BBS12: variants seen among roughly 807,000 people sequenced by gnomAD.
The protein encoded by BBS12 is Bardet-Biedl syndrome 12.
Under a neutral mutation model 5.6 loss-of-function variants are expected in BBS12, and 5 were observed. The ratio of observed to expected loss-of-function variants is 0.89; its 90% CI spans 0.46 to 1.86. The LOEUF is 1.86. Among genes scored for constraint, BBS12 ranks in the 40% most tolerant of loss-of-function variants. The pLI is 0.01. For missense variants in BBS12, 748 were observed against 830.4 expected, an observed-to-expected ratio of 0.90 and a Z score of 1.22; for synonymous variants, 308 against 306.8, an observed-to-expected ratio of 1.00 and a Z score of -0.04.
intron 1 of BBS12, among the ~76,000 whole-genome samples, chr4:122,733,678 T>G (rs1374138152): frequency 6.6e-6 from 1 of 152,162 alleles, no homozygotes; most frequent in Non-Finnish European, 1.5e-5. Flanking sequence ...TGAGGTAGGA[T>G]GGACCACTGA....
At chr4:122,716,653 A>ATG in the BBS12 span, among the ~76,000 whole-genome samples, 1 of 99,280 alleles carries the variant, frequency 1.0e-5, no homozygotes, top group African/African-American at 4.2e-5. Flanking sequence ...ACGTGTGTGT[A>ATG]TATGCACATA....
the BBS12 span, among the ~76,000 whole-genome samples, chr4:122,716,724 TATAC>T: frequency 8.1e-6 from 1 of 123,580 alleles, no homozygotes; most frequent in African/African-American, 3.5e-5. Context: ...TATGTGTGTA[TATAC>T]ACACACACGT....
At chr4:122,723,191 G>C in the BBS12 span, among the ~76,000 whole-genome samples, 2 of 152,236 alleles carry the variant, frequency 1.3e-5, no homozygotes, top group Non-Finnish European at 2.9e-5. Flanking sequence ...GAACTATCCT[G>C]GTAGGTTCTA....
At chr4:122,741,473 C>T (rs574267005) in intron 1 of BBS12, among the ~76,000 whole-genome samples, 3 of 152,234 alleles carry the variant, frequency 2.0e-5, no homozygotes, top group Non-Finnish European at 2.9e-5. Flanking sequence ...GCATGAGCCA[C>T]TGCGCCCAGC....
chr4:122,725,845 C>A, the BBS12 span, among the ~76,000 whole-genome samples: 1 of 134,310 alleles, frequency 7.4e-6, no homozygotes, highest in East Asian at 2.4e-4. Flanking sequence ...TTGCAGTGAG[C>A]TGGGATCATG....
chr4:122,718,024 T>C, the BBS12 span, among the ~76,000 whole-genome samples: 1 of 152,162 alleles, frequency 6.6e-6, no homozygotes, highest in Non-Finnish European at 1.5e-5. Context: ...TTAAATCCTA[T>C]GCATCTCAGT....
chr4:122,725,168 T>A, the BBS12 span, among the ~76,000 whole-genome samples: 1 of 152,182 alleles, frequency 6.6e-6, no homozygotes, highest in African/African-American at 2.4e-5. Context: ...GAATCAATAT[T>A]GTGAAAATGA....
At chr4:122,740,964 C>T (rs1335297680) in intron 1 of BBS12, among the ~76,000 whole-genome samples, 1 of 152,052 alleles carries the variant, frequency 6.6e-6, no homozygotes, top group African/African-American at 2.4e-5. Flanking sequence ...GCTAGTAAAG[C>T]GGTAGGATTA....
the BBS12 span, among the ~76,000 whole-genome samples, chr4:122,713,156 T>C: frequency 6.6e-6 from 1 of 152,230 alleles, no homozygotes; most frequent in African/African-American, 2.4e-5. Context: ...AACTGTTATA[T>C]ATATGTGGCT....
At chr4:122,705,102 T>G in the BBS12 span, among the ~76,000 whole-genome samples, 1 of 152,272 alleles carries the variant, frequency 6.6e-6, no homozygotes, top group South Asian at 2.1e-4. Flanking sequence ...TCTGCGAACA[T>G]TCTGTCCCCT....
chr4:122,744,742 T>G lies in BBS12; in HGVS notation c.*717T>G, dbSNP rs1223404068. ...TTGTTCATTTGGTCTCATATAGCAA[T>G]TAATGCAGGCTATTATCAGACACAG... On this transcript the variant is annotated 3_prime_UTR_variant, in exon 2 of 2. Coordinates refer to ENST00000314218, the MANE Select transcript of BBS12 (RefSeq NM_152618.3). 6.0e-6 allele frequency: 1 copy of G among 167,166 alleles called. No individual in the cohort carries two copies. The highest frequency in any genetic ancestry group is 2.4e-5 in the African/African-American group (1 of 41,440). 10.4% of individuals were successfully genotyped at this position (167,166 alleles called of 1,614,324 possible).
chr4:122,739,282 T>C (rs1276730800), intron 1 of BBS12, among the ~76,000 whole-genome samples: 1 of 152,234 alleles, frequency 6.6e-6, no homozygotes, highest in African/African-American at 2.4e-5. Flanking sequence ...GCTGATGCAG[T>C]GAGGATGTGG....
intron 1 of BBS12, among the ~76,000 whole-genome samples, chr4:122,740,596 A>G (rs1351286329): frequency 1.3e-5 from 2 of 152,200 alleles, no homozygotes; most frequent in East Asian, 1.9e-4. Flanking sequence ...AATCCCGGCA[A>G]TTAACACAGT....
chr4:122,701,892 C>A, the BBS12 span, among the ~76,000 whole-genome samples: 5 of 152,180 alleles, frequency 3.3e-5, no homozygotes, highest in Admixed American at 6.5e-5. Context: ...ATCACATTCT[C>A]CTGGGGCTTC....
the BBS12 span, among the ~76,000 whole-genome samples, chr4:122,713,597 T>C: frequency 6.6e-6 from 1 of 152,276 alleles, no homozygotes; most frequent in Non-Finnish European, 1.5e-5. Context: ...TTGTATCTTT[T>C]GGGATTATGC....
chr4:122,724,611 T>C, the BBS12 span, among the ~76,000 whole-genome samples: 1 of 152,310 alleles, frequency 6.6e-6, no homozygotes, highest in Admixed American at 6.5e-5. Flanking sequence ...ATTTCAACAG[T>C]ATTTTGAGTA....
Position 122,743,266 on chromosome 4 carries a change from A to C in BBS12, c.1374A>C (p.Thr458=). The change falls in exon 2 of 2, where the codon ACA becomes ACC. Residue 458 remains threonine (T), a synonymous_variant. Transcript: ENST00000314218. ...GAGCAGTACAGGTGGCCTACATTAC[A>C]CAAGTGAATGAAGATTGTGTGGGCG... ...AAGAVQVAYI[T]QVNEDCVGDG... 1 of 1,614,244 alleles carries C rather than the reference A, an allele frequency of 6.2e-7. No homozygotes were observed. The highest frequency in any genetic ancestry group is 8.5e-7 in the Non-Finnish European group (1 of 1,180,044).
Position 122,743,586 on chromosome 4 carries a change from G to A in BBS12, c.1694G>A (p.Cys565Tyr), listed in dbSNP as rs1800930632. The change falls in exon 2 of 2, where the codon TGC becomes TAC. Residue 565 changes from cysteine to tyrosine, a missense_variant. Cys to Tyr is a radical substitution (Grantham distance 194). Transcript: ENST00000314218. ...TCTCTGAAAAAAGAAAACCATGCCT[G>A]CTCAGGGTGGCTGCATAATACTTCC... is the stretch of plus-strand genomic sequence containing the variant. ...EQSLKKENHA[C>Y]SGWLHNTSSW... 2 of 1,614,184 alleles carry A rather than the reference G, an allele frequency of 1.2e-6. No individual in the cohort carries two copies. The highest frequency in any genetic ancestry group is 1.7e-6 in the Non-Finnish European group (2 of 1,180,024).
chr4:122,727,429 A>G, the BBS12 span, among the ~76,000 whole-genome samples: 2 of 151,536 alleles, frequency 1.3e-5, no homozygotes, highest in African/African-American at 4.9e-5. Context: ...TATTTTTAGT[A>G]GAGACAGGGT....
Sources: gnomAD v4.1 joint callset for allele counts (sites outside exome capture counted in the v4.1 genomes callset) on GRCh38, gnomAD v4.1.1 for gene constraint, MANE v1.5 for transcripts, NCBI Gene and HGNC (gene_info 2026-07-23, HGNC 2026-07-21) for gene names.